Variants in GALNT5 observed in about 807,000 individuals in gnomAD.
GALNT5 encodes the protein polypeptide N-acetylgalactosaminyltransferase 5.
A neutral mutation model predicts 85.4 loss-of-function variants in GALNT5; 72 were observed. The observed-to-expected ratio is 0.84, with a 90% CI of 0.70 to 1.03. GALNT5 has a LOEUF of 1.03. Among genes scored for constraint, GALNT5 ranks in the 50% least tolerant of loss-of-function variants. The pLI is 0.00. For missense variants in GALNT5, 1,137 were observed against 1,135.5 expected, an observed-to-expected ratio of 1.00 and a Z score of -0.02; for synonymous variants, 404 against 397.0, an observed-to-expected ratio of 1.02 and a Z score of -0.21.
At chr2:157,275,287 G>A (rs555079663) in intron 1 of GALNT5, among the ~76,000 whole-genome samples, 13 of 152,194 alleles carry the variant, frequency 8.5e-5, no homozygotes, top group Admixed American at 4.6e-4. Flanking sequence ...TGTTCTTTTC[G>A]CTTGGGATTG....
At chr2:157,278,620 G>C (rs1193556750) in intron 1 of GALNT5, among the ~76,000 whole-genome samples, 8 of 152,192 alleles carry the variant, frequency 5.3e-5, no homozygotes, top group Non-Finnish European at 1.5e-5. Flanking sequence ...ATTGAAGCTT[G>C]TGCATGCATC....
intron 3 of GALNT5, among the ~76,000 whole-genome samples, chr2:157,288,622 T>C (rs531387065): frequency 6.6e-6 from 1 of 152,120 alleles, no homozygotes; most frequent in Non-Finnish European, 1.5e-5. Context: ...AAAAAGCAAA[T>C]TTTTCTAAAG....
In GALNT5 at chr2:157,296,255, T is replaced by A. The variant is rs1051055925; in HGVS notation, c.1878-139T>A. On this transcript the variant is annotated intron_variant, in intron 4 of 9. Transcript: ENST00000259056. ...ATTGTACTTGTAAACATTCTTGAAC[T>A]ATTATTAAAAGGTGGTGATCTAAAC... 1.8e-5 allele frequency: 11 copies of A among 597,208 alleles called. No individual in the cohort carries two copies. The African/African-American group carries it at 2.0e-4, about 11-fold the overall frequency. 37.0% of individuals were successfully genotyped at this position (597,208 alleles called of 1,614,324 possible).
At position 157,287,246 on chromosome 2, in the gene GALNT5, C is replaced by A. The variant is rs79038231; in HGVS notation, c.1741+1112C>A. Among the ~76,000 whole-genome samples, 33 of 152,224 alleles carry A rather than the reference C, an allele frequency of 2.2e-4. No individual in the cohort carries two copies. The East Asian group carries it at 6.2e-3, about 28-fold the overall frequency. Reference sequence around the variant, plus strand: ...TCTGTTTTTCTTACAATGTTTTACCCAATGGTTTTTAGTATCCATTGATCA... The same window carrying A: ...TCTGTTTTTCTTACAATGTTTTACCAAATGGTTTTTAGTATCCATTGATCA... On this transcript the variant is annotated intron_variant, in intron 3 of 9. Coordinates refer to ENST00000259056, the MANE Select transcript of GALNT5 (RefSeq NM_014568.3).
chr2:157,266,134 A>C (rs567774219), intron 1 of GALNT5, among the ~76,000 whole-genome samples: 180 of 152,216 alleles, frequency 1.2e-3, no homozygotes, highest in Non-Finnish European at 2.3e-3. Context: ...ATTGCCTATC[A>C]ATCAGGAGCG....
At chr2:157,267,081 A>T (rs1682472029) in intron 1 of GALNT5, among the ~76,000 whole-genome samples, 1 of 152,238 alleles carries the variant, frequency 6.6e-6, no homozygotes, top group African/African-American at 2.4e-5. Flanking sequence ...TGTGATGCCG[A>T]AACACAGGGG....
chr2:157,258,243 G>A lies in GALNT5; in HGVS notation c.161G>A (p.Arg54Gln), dbSNP rs200493493. ...AAGGAAGACATTGTGAGGAGGGAGC[G>A]GATAGGATTCAGAGTTCAGCCAGAC... ...VIKEDIVRRE[R>Q]IGFRVQPDQG... The change falls in exon 1 of 10, where the codon CGG (arginine) becomes CAG (glutamine). Residue 54 changes from arginine to glutamine, a missense_variant. Coordinates refer to ENST00000259056, the MANE Select transcript of GALNT5 (RefSeq NM_014568.3). The A allele has an allele frequency of 3.2e-5, 51 of 1,612,248 alleles. No individual in the cohort carries two copies. Among genetic ancestry groups the A allele is most frequent in the Admixed American group, 2.8e-4 (17 of 59,688 alleles).
rs146451636 is a variant in GALNT5 at position 157,259,181 on chromosome 2, T to A, written c.1099T>A (p.Ser367Thr). 2.5e-5 allele frequency: 38 copies of A among 1,538,844 alleles called. No individual in the cohort carries two copies. The highest frequency in any genetic ancestry group is 7.0e-6 in the Non-Finnish European group (8 of 1,146,332). Residue 367 changes from serine to threonine, a missense_variant, in exon 1 of 10, where the codon TCT becomes ACT. Physicochemically the swap from Ser to Thr is moderately conservative, Grantham distance 58 (BLOSUM62 1). Coordinates refer to ENST00000259056, the MANE Select transcript of GALNT5 (RefSeq NM_014568.3). ...KHISRNRSEM[S>T]SSSLAPHRVP... The stretch of plus-strand genomic sequence containing the variant: ...CATTTCCAGGAATAGAAGTGAGATG[T>A]CTTCCTCTTCACTTGCTCCACATAG...
intron 1 of GALNT5, among the ~76,000 whole-genome samples, chr2:157,265,507 C>A (rs1407045197): frequency 6.6e-6 from 1 of 152,168 alleles, no homozygotes; most frequent in Non-Finnish European, 1.5e-5. Context: ...CTCCTAAATA[C>A]TGTGAAAGCC....
intron 5 of GALNT5, among the ~76,000 whole-genome samples, chr2:157,297,808 A>G (rs902360163): frequency 3.3e-5 from 5 of 152,168 alleles, no homozygotes; most frequent in Non-Finnish European, 5.9e-5. Flanking sequence ...GGTGACCACC[A>G]TAGGAAGTGA....
chr2:157,298,548 G>A (rs1683266297), intron 5 of GALNT5, among the ~76,000 whole-genome samples: 1 of 152,168 alleles, frequency 6.6e-6, no homozygotes, highest in Non-Finnish European at 1.5e-5. Context: ...ACCTCGAAAG[G>A]AGTACTTGAA....
At chr2:157,295,092 G>A (rs6437048) in intron 3 of GALNT5, among the ~76,000 whole-genome samples, 123,710 of 151,518 alleles carry the variant, frequency 0.82, 51,804 homozygotes, top group South Asian at 0.92. Context: ...TTGGTGTGCA[G>A]TCTCCACGAC....
chr2:157,287,610 T>A (rs1683009030), intron 3 of GALNT5, among the ~76,000 whole-genome samples: 1 of 152,236 alleles, frequency 6.6e-6, no homozygotes, highest in African/African-American at 2.4e-5. Context: ...GTTTTAATTC[T>A]ATAATCCTCA....
Position 157,259,285 on chromosome 2 carries a change from C to T in GALNT5, c.1203C>T (p.Pro401=). The change falls in exon 1 of 10, where the codon CCC becomes CCT. Residue 401 remains proline, a synonymous_variant. Coordinates refer to ENST00000259056, the MANE Select transcript of GALNT5 (RefSeq NM_014568.3). ...PAKINITAKA[P]STEYNQSHIK... ...AAATCAACATAACTGCCAAAGCCCCCTCTACAGAATACAACCAGAGTCATA... is the reference window on the plus strand; with the variant it reads ...AAATCAACATAACTGCCAAAGCCCCTTCTACAGAATACAACCAGAGTCATA... 3.7e-6 allele frequency: 6 copies of T among 1,610,392 alleles called. No individual in the cohort carries two copies. Among genetic ancestry groups the T allele is most frequent in the Non-Finnish European group, 5.1e-6 (6 of 1,178,496 alleles).
At chr2:157,307,414 C>T (rs1401096443) in intron 8 of GALNT5, among the ~76,000 whole-genome samples, 1 of 152,294 alleles carries the variant, frequency 6.6e-6, no homozygotes, top group African/African-American at 2.4e-5. Flanking sequence ...TAGTTATTAA[C>T]CTTTAAAGCA....
chr2:157,275,333 G>A (rs755886089), intron 1 of GALNT5, among the ~76,000 whole-genome samples: 57 of 152,142 alleles, frequency 3.7e-4, no homozygotes, highest in Non-Finnish European at 6.3e-4. Context: ...GGTTCCATAT[G>A]AACTTTAAAG....
At chr2:157,308,056 C>T (rs537864296) in intron 8 of GALNT5, among the ~76,000 whole-genome samples, 2 of 152,242 alleles carry the variant, frequency 1.3e-5, no homozygotes, top group East Asian at 3.9e-4. Context: ...TCGGACAAAG[C>T]CTTTATGATG....
intron 5 of GALNT5, chr2:157,299,041 G>C: frequency 6.4e-6 from 1 of 156,470 alleles, no homozygotes. Context: ...CTTTCGGGAG[G>C]GACGCACATG....
chr2:157,276,780 T>A (rs1328711507), intron 1 of GALNT5, among the ~76,000 whole-genome samples: 1 of 150,198 alleles, frequency 6.7e-6, no homozygotes, highest in Non-Finnish European at 1.5e-5. Flanking sequence ...AGCTCCTGGA[T>A]TCACTGATTT....
Sources: allele counts gnomAD v4.1 joint callset (sites outside exome capture counted in the v4.1 genomes callset), GRCh38; gene constraint gnomAD v4.1.1; transcripts MANE v1.5; gene names NCBI Gene and HGNC (gene_info 2026-07-23, HGNC 2026-07-21).